Variants in COG5 observed in about 807,000 individuals in gnomAD.
COG5 encodes the protein conserved oligomeric Golgi complex subunit 5.
COG5 carries 86 observed loss-of-function variants against 110.4 expected under a neutral mutation model. The observed-to-expected ratio is 0.78, with a 90% CI of 0.65 to 0.93. The LOEUF (loss-of-function observed/expected upper bound fraction) is 0.93, where lower values mean the gene tolerates loss of function less well. COG5 is among the 40% of genes least tolerant of loss of function. The pLI, the probability that COG5 is intolerant of heterozygous loss-of-function variation, is 0.00. For synonymous variants in COG5, 360 were observed against 334.6 expected, an observed-to-expected ratio of 1.08 and a Z score of -0.83; for missense variants, 1,077 against 987.0, an observed-to-expected ratio of 1.09 and a Z score of -1.22.
At chr7:107,538,008 T>C (rs1487754924) in intron 5 of COG5, among the ~76,000 whole-genome samples, 1 of 152,150 alleles carries the variant, frequency 6.6e-6, no homozygotes, top group Non-Finnish European at 1.5e-5. Context: ...ATTTCTTTTC[T>C]GACAAAGAGC....
At chr7:107,278,617 T>C (rs1256538105) in intron 14 of COG5, among the ~76,000 whole-genome samples, 1 of 152,086 alleles carries the variant, frequency 6.6e-6, no homozygotes, top group East Asian at 1.9e-4. Flanking sequence ...TTTTTATGGC[T>C]GCAGAAATAA....
At chr7:107,223,718 T>C (rs1380396421) in intron 19 of COG5, among the ~76,000 whole-genome samples, 4 of 152,158 alleles carry the variant, frequency 2.6e-5, no homozygotes, top group African/African-American at 7.2e-5. Flanking sequence ...AAACAGAAAC[T>C]TCTGGAATAA....
At chr7:107,225,328 T>A (rs1800257478) in intron 19 of COG5, among the ~76,000 whole-genome samples, 1 of 151,978 alleles carries the variant, frequency 6.6e-6, no homozygotes, top group African/African-American at 2.4e-5. Flanking sequence ...TATTTTCAAA[T>A]GGGAAAAACA....
intron 19 of COG5, 74 bp from the exon 20 acceptor site, chr7:107,211,299 C>T: frequency 6.6e-7 from 1 of 1,526,614 alleles, no homozygotes; most frequent in African/African-American, 1.4e-5. Flanking sequence ...GAATCATTCT[C>T]CTTGTAGAAT....
chr7:107,356,381 T>G (rs1812626746), intron 10 of COG5, among the ~76,000 whole-genome samples: 1 of 152,196 alleles, frequency 6.6e-6, no homozygotes, highest in Non-Finnish European at 1.5e-5. Context: ...TAGCTTTCAG[T>G]GAATTTCAAG....
chr7:107,221,897 T>G (rs758642295), intron 19 of COG5, among the ~76,000 whole-genome samples: 2 of 152,208 alleles, frequency 1.3e-5, no homozygotes, highest in East Asian at 1.9e-4. Flanking sequence ...AAAGCCAAGT[T>G]TGAAACTTAT....
chr7:107,419,368 G>T (rs532013673), intron 6 of COG5, among the ~76,000 whole-genome samples: 2 of 151,858 alleles, frequency 1.3e-5, no homozygotes, highest in East Asian at 3.9e-4. Flanking sequence ...CAAAATTAAT[G>T]AATACAATGC....
At chr7:107,542,712 G>A (rs927833861) in intron 5 of COG5, among the ~76,000 whole-genome samples, 1 of 152,164 alleles carries the variant, frequency 6.6e-6, no homozygotes, top group South Asian at 2.1e-4. Context: ...GCTCACGCCT[G>A]TAATCCCAGC....
rs546828168 is a variant in COG5 at position 107,463,832 on chromosome 7, G to C, written c.539-51200C>G. 2.6e-5 allele frequency among the ~76,000 whole-genome samples: 4 copies of C among 152,154 alleles called. No individual in the cohort carries two copies. In the South Asian group the frequency reaches 8.3e-4, roughly 32 times the overall value. On this transcript the variant is annotated intron_variant, in intron 6 of 21. Transcript: ENST00000297135. ...CTTCTGCTTTGGTTTCTCACTCCAG[G>C]GTGACGCTGTGCTCCTGGAAGTGCT...
At chr7:107,546,598 T>C (rs1045922588) in intron 5 of COG5, among the ~76,000 whole-genome samples, 1 of 151,702 alleles carries the variant, frequency 6.6e-6, no homozygotes, top group African/African-American at 2.4e-5. Context: ...CATGCCTTGC[T>C]ATAAGAGTTG....
intron 17 of COG5, among the ~76,000 whole-genome samples, chr7:107,243,547 CA>C (rs948974337): frequency 4.0e-5 from 6 of 148,724 alleles, no homozygotes; most frequent in African/African-American, 1.5e-4. Context: ...CAAAGACCTT[CA>C]AAGACTCCCA....
intron 6 of COG5, among the ~76,000 whole-genome samples, chr7:107,484,929 C>T (rs1012454495): frequency 3.3e-5 from 5 of 151,938 alleles, no homozygotes; most frequent in African/African-American, 7.3e-5. Flanking sequence ...AGGGTAGTAC[C>T]TCCAACTGAA....
intron 5 of COG5, among the ~76,000 whole-genome samples, chr7:107,541,807 TG>T (rs923190835): frequency 2.0e-5 from 3 of 151,088 alleles, no homozygotes; most frequent in African/African-American, 7.3e-5. Flanking sequence ...GGCAGGCACC[TG>T]TACTCCCAGC....
intron 6 of COG5, among the ~76,000 whole-genome samples, chr7:107,508,833 G>A (rs113682075): frequency 6.6e-6 from 1 of 152,152 alleles, no homozygotes; most frequent in African/African-American, 2.4e-5. Context: ...TGTAGCAGAG[G>A]GTCCTGTCTG....
intron 5 of COG5, among the ~76,000 whole-genome samples, chr7:107,528,401 T>C (rs1800933221): frequency 6.6e-6 from 1 of 152,194 alleles, no homozygotes; most frequent in Admixed American, 6.5e-5. Flanking sequence ...TTTTAATCAC[T>C]AATAAATTAT....
intron 14 of COG5, among the ~76,000 whole-genome samples, chr7:107,278,319 C>T (rs972046116): frequency 8.6e-5 from 13 of 151,914 alleles, no homozygotes; most frequent in African/African-American, 2.7e-4. Flanking sequence ...ATGTGCAGAA[C>T]GTGCAGATTT....
At chr7:107,346,835 A>G (rs1811655787) in intron 10 of COG5, among the ~76,000 whole-genome samples, 1 of 151,946 alleles carries the variant, frequency 6.6e-6, no homozygotes, top group Non-Finnish European at 1.5e-5. Flanking sequence ...TATATCTCCT[A>G]ATGCTATCCC....
chr7:107,311,746 T>G (rs1808288140), intron 11 of COG5, among the ~76,000 whole-genome samples: 1 of 152,112 alleles, frequency 6.6e-6, no homozygotes, highest in African/African-American at 2.4e-5. Context: ...TTAGAAGCTT[T>G]TTATATAATA....
At chr7:107,210,120 G>A in intron 21 of COG5, 1 of 1,064,540 alleles carries the variant, frequency 9.4e-7, no homozygotes, top group Non-Finnish European at 1.1e-6. Flanking sequence ...CCTCAGAACT[G>A]TTTCGCACTT....
Sources: allele counts gnomAD v4.1 joint callset (sites outside exome capture counted in the v4.1 genomes callset), GRCh38; gene constraint gnomAD v4.1.1; transcripts MANE v1.5; gene names NCBI Gene and HGNC (gene_info 2026-07-23, HGNC 2026-07-21).